PCBP3: variants seen among roughly 807,000 people sequenced by gnomAD.
The protein encoded by PCBP3 is poly(rC)-binding protein 3.
PCBP3 carries 25 observed loss-of-function variants against 52.7 expected under a neutral mutation model. That is an observed-to-expected ratio of 0.47 (90% confidence interval 0.35 to 0.66). The LOEUF (loss-of-function observed/expected upper bound fraction) is 0.66, where lower values mean the gene tolerates loss of function less well. PCBP3 is among the 30% of genes least tolerant of loss of function. The pLI is 0.01. For synonymous variants in PCBP3, 162 were observed against 183.0 expected, an observed-to-expected ratio of 0.89 and a Z score of 0.93; for missense variants, 391 against 490.3, an observed-to-expected ratio of 0.80 and a Z score of 1.91.
At chr21:45,874,203 A>G (rs1569403930) in intron 5 of PCBP3, among the ~76,000 whole-genome samples, 3 of 152,238 alleles carry the variant, frequency 2.0e-5, no homozygotes, top group Non-Finnish European at 1.5e-5. Context: ...AGTAAAATAA[A>G]TCGGCTCACT....
chr21:45,716,249 G>A (rs923735469), intron 2 of PCBP3, among the ~76,000 whole-genome samples: 2 of 152,074 alleles, frequency 1.3e-5, no homozygotes, highest in Admixed American at 6.5e-5. Context: ...CCATTGAATT[G>A]TCTTGGCAGT....
At chr21:45,790,926 G>C (rs1478845434) in intron 4 of PCBP3, among the ~76,000 whole-genome samples, 1 of 152,192 alleles carries the variant, frequency 6.6e-6, no homozygotes, top group Non-Finnish European at 1.5e-5. Context: ...AGTAGTAGGG[G>C]GAAGGAAGCC....
intron 1 of PCBP3, among the ~76,000 whole-genome samples, chr21:45,662,796 G>A (rs1796307145): frequency 6.6e-6 from 1 of 152,142 alleles, no homozygotes; most frequent in African/African-American, 2.4e-5. Context: ...CCATTAGAGG[G>A]CTCCTTGGTC....
rs761775571 is a variant in PCBP3, at chr21:45,829,637, C to T, written c.-125-20324C>T. ...TCCTGGGTTACTGGGTTTCCTCACC[C>T]CAGACCCCACCTGAAGAGCAAAGTT... On this transcript the variant is annotated intron_variant, in intron 4 of 17. Transcript: ENST00000681687. This position sits in a 1 kb window ranked among gnomAD's most constrained non-coding sequence, Gnocchi z 5.2. 6.6e-6 allele frequency: 1 copy of T among 152,236 alleles called. No homozygotes were observed. The highest frequency in any genetic ancestry group is 1.5e-5 in the Non-Finnish European group (1 of 68,066). The allele number at this position is 152,236 out of a possible 1,614,324, so 9.4% of individuals were successfully genotyped here.
At chr21:45,691,456 A>G (rs928371964) in intron 2 of PCBP3, among the ~76,000 whole-genome samples, 3 of 142,364 alleles carry the variant, frequency 2.1e-5, no homozygotes, top group South Asian at 2.2e-4. Context: ...GTATGTATGT[A>G]TGTGTGTGTG....
chr21:45,913,813 G>C lies in PCBP3; in HGVS notation c.601-138G>C. On this transcript the variant is annotated intron_variant, in intron 11 of 17. Transcript: ENST00000681687. ...GTCTTCACTCCCCTCCCCCAGCACT[G>C]CTGCGAAACTCGGGGAGGTGTGGGG... 3.3e-5 allele frequency: 25 copies of C among 753,918 alleles called. 1 individual carries two copies. Among genetic ancestry groups the C allele is most frequent in the Middle Eastern group, 3.7e-4 (1 of 2,672 alleles). The allele number at this position is 753,918 out of a possible 1,614,324, so 46.7% of individuals were successfully genotyped here. A position where few individuals can be genotyped will look rare whatever the true frequency, so the allele number is the denominator to read the frequency against.
chr21:45,785,084 G>A, intron 4 of PCBP3, among the ~76,000 whole-genome samples: 1 of 151,882 alleles, frequency 6.6e-6, no homozygotes, highest in East Asian at 2.0e-4. Context: ...CCCCGTCCGG[G>A]ATGTGAGGAG....
chr21:45,686,253 G>A lies in PCBP3; in HGVS notation c.-200+17301G>A, dbSNP rs139061466. 1.3e-3 allele frequency among the ~76,000 whole-genome samples: 202 copies of A among 152,136 alleles called. 2 individuals are homozygous for A. The highest frequency in any genetic ancestry group is 4.4e-3 in the African/African-American group (182 of 41,512). On this transcript the variant is annotated intron_variant, in intron 2 of 17. Transcript: ENST00000681687. ...AATTCACATTGCTCAACAGAGGTTCGGGAGACAATTAGAGTTTTGGCCATC... is the reference window on the plus strand; with the variant it reads ...AATTCACATTGCTCAACAGAGGTTCAGGAGACAATTAGAGTTTTGGCCATC...
intron 13 of PCBP3, among the ~76,000 whole-genome samples, chr21:45,929,263 C>T (rs1158678609): frequency 6.6e-6 from 1 of 152,208 alleles, no homozygotes; most frequent in Non-Finnish European, 1.5e-5. Flanking sequence ...CGAGGCGTCC[C>T]TCCCTCATGC....
At chr21:45,890,280 G>A (rs768373800) in intron 5 of PCBP3, among the ~76,000 whole-genome samples, 7 of 152,276 alleles carry the variant, frequency 4.6e-5, no homozygotes, top group African/African-American at 7.2e-5. Context: ...TGGCGGGGCC[G>A]TGGAGGAGCT....
chr21:45,909,315 G>T, intron 9 of PCBP3, 40 bp from the exon 10 acceptor site: 1 of 1,595,066 alleles, frequency 6.3e-7, no homozygotes, highest in South Asian at 1.1e-5. Context: ...CTCACTGCAC[G>T]ACGCCTGAAG....
At chr21:45,657,857 A>G (rs2080119059) in intron 1 of PCBP3, among the ~76,000 whole-genome samples, 2 of 152,354 alleles carry the variant, frequency 1.3e-5, no homozygotes, top group South Asian at 4.1e-4. Context: ...ATCTGCAGAT[A>G]TAGATACTTT....
intron 4 of PCBP3, among the ~76,000 whole-genome samples, chr21:45,833,992 C>T (rs764241711): frequency 2.0e-5 from 3 of 152,090 alleles, no homozygotes; most frequent in Non-Finnish European, 4.4e-5. Flanking sequence ...CTGAGGATGG[C>T]GTGGATGTTA....
At chr21:45,933,981 G>C (rs117636902) in intron 15 of PCBP3, among the ~76,000 whole-genome samples, 5 of 152,180 alleles carry the variant, frequency 3.3e-5, no homozygotes, top group African/African-American at 1.2e-4. Context: ...AGGAGGCGCC[G>C]TGAGGAAGTA....
chr21:45,890,445 G>A (rs1488382624), intron 5 of PCBP3, among the ~76,000 whole-genome samples: 4 of 152,082 alleles, frequency 2.6e-5, no homozygotes, highest in Non-Finnish European at 5.9e-5. Context: ...GGGGAATGTG[G>A]ATAATAGAAC....
chr21:45,901,148 C>T (rs745565102), intron 9 of PCBP3, 35 bp downstream of exon 9: 23 of 1,457,482 alleles, frequency 1.6e-5, no homozygotes, highest in East Asian at 2.3e-5. Context: ...GCCAGCCTGG[C>T]GGGGGCAGGC....
chr21:45,731,848 A>G (rs1008546339), intron 2 of PCBP3, among the ~76,000 whole-genome samples: 2 of 150,882 alleles, frequency 1.3e-5, no homozygotes, highest in Non-Finnish European at 2.9e-5. Context: ...CGATATTGTC[A>G]TAAGCCCCAC....
intron 2 of PCBP3, among the ~76,000 whole-genome samples, chr21:45,702,997 T>C (rs1249094441): frequency 6.6e-6 from 1 of 152,114 alleles, no homozygotes; most frequent in African/African-American, 2.4e-5. Context: ...ACTTTTCTGC[T>C]TCTCATCCAT....
intron 2 of PCBP3, among the ~76,000 whole-genome samples, chr21:45,730,513 T>A (rs189902838): frequency 6.6e-6 from 1 of 152,158 alleles, no homozygotes; most frequent in Admixed American, 6.5e-5. Flanking sequence ...CTGTTATAAT[T>A]GTGTGGAGTG....
Sources: gnomAD v4.1 joint callset for allele counts (sites outside exome capture counted in the v4.1 genomes callset) on GRCh38, gnomAD v4.1.1 for gene constraint, Gnocchi (gnomAD v3.1) non-coding constraint, MANE v1.5 for transcripts, NCBI Gene and HGNC (gene_info 2026-07-23, HGNC 2026-07-21) for gene names.